ADGRL2: variants seen among roughly 807,000 people sequenced by gnomAD.
ADGRL2 encodes adhesion G protein-coupled receptor L2.
In ADGRL2, 44 loss-of-function variants were observed where a neutral mutation model predicts 157.4. The ratio of observed to expected loss-of-function variants is 0.28; its 90% CI spans 0.22 to 0.36. The LOEUF (loss-of-function observed/expected upper bound fraction) is 0.36, where lower values mean the gene tolerates loss of function less well. Ranked by LOEUF, ADGRL2 falls within the 10% of genes least tolerant of loss-of-function variation. The pLI is 1.00. For missense variants in ADGRL2, 1,510 were observed against 1,768.9 expected, an observed-to-expected ratio of 0.85 and a Z score of 2.63; for synonymous variants, 585 against 624.7, an observed-to-expected ratio of 0.94 and a Z score of 0.95.
intron 3 of ADGRL2, among the ~76,000 whole-genome samples, chr1:81,658,495 T>C (rs187001748): frequency 5.3e-4 from 81 of 152,328 alleles, no homozygotes; most frequent in African/African-American, 1.9e-3. Flanking sequence ...AAATCTGGGC[T>C]TTAGGCATAC....
At chr1:81,866,568 T>C (rs1318923628) in intron 2 of ADGRL2, among the ~76,000 whole-genome samples, 1 of 152,114 alleles carries the variant, frequency 6.6e-6, no homozygotes, top group African/African-American at 2.4e-5. Flanking sequence ...ATGTTTAAAA[T>C]AAATAATTAA....
At chr1:81,486,378 G>A (rs1335501748) in intron 2 of ADGRL2, among the ~76,000 whole-genome samples, 1 of 152,040 alleles carries the variant, frequency 6.6e-6, no homozygotes, top group Admixed American at 6.6e-5. Context: ...CTGTTTTTGT[G>A]TGATTCCTAA....
chr1:81,754,854 A>G (rs2085630241), intron 1 of ADGRL2, among the ~76,000 whole-genome samples: 1 of 151,794 alleles, frequency 6.6e-6, no homozygotes, highest in South Asian at 2.1e-4. Context: ...GGTAATAATA[A>G]CACCCAAATT....
chr1:81,985,363 A>G lies in ADGRL2; in HGVS notation c.3508+8A>G, dbSNP rs202069791. 3.1e-4 allele frequency: 474 copies of G among 1,544,632 alleles called. 1 individual carries two copies. In the African/African-American group the frequency reaches 5.8e-3, roughly 19 times the overall value. ...CTTCAACACTTAATCAAGGTCAGTT[A>G]TCAGGAAAATTTGAGTTACTACCAT... On this transcript the variant is annotated splice_region_variant and intron_variant, in intron 21 of 23. Transcript: ENST00000686636.
intron 3 of ADGRL2, among the ~76,000 whole-genome samples, chr1:81,651,268 GA>G (rs199925195): frequency 1.3e-5 from 2 of 150,712 alleles, no homozygotes; most frequent in Admixed American, 6.6e-5. Context: ...ACAAGAATTA[GA>G]AAAAAAAATC....
At chr1:81,390,482 A>G (rs1260706079) in intron 1 of ADGRL2, among the ~76,000 whole-genome samples, 1 of 152,310 alleles carries the variant, frequency 6.6e-6, no homozygotes, top group Non-Finnish European at 1.5e-5. Flanking sequence ...ATAGATATGC[A>G]ATTTCAATTT....
chr1:81,450,882 A>C (rs1571001384), intron 2 of ADGRL2, among the ~76,000 whole-genome samples: 2 of 152,164 alleles, frequency 1.3e-5, no homozygotes, highest in East Asian at 3.9e-4. Flanking sequence ...CCCCCAAAGT[A>C]AAAATCAATC....
At chr1:81,331,543 G>T (rs760597217) in intron 1 of ADGRL2, among the ~76,000 whole-genome samples, 2 of 152,008 alleles carry the variant, frequency 1.3e-5, no homozygotes, top group Non-Finnish European at 2.9e-5. Context: ...ATAATTATTA[G>T]CTATATATAA....
At chr1:81,578,975 A>G (rs1328901515) in intron 2 of ADGRL2, among the ~76,000 whole-genome samples, 1 of 152,172 alleles carries the variant, frequency 6.6e-6, no homozygotes, top group African/African-American at 2.4e-5. Context: ...GTTAATGCCA[A>G]GGATGCTTTT....
chr1:81,762,711 T>C lies in ADGRL2; in HGVS notation c.-101+859T>C, dbSNP rs574175705. Among the ~76,000 whole-genome samples, 3 of 151,992 alleles carry C rather than the reference T, an allele frequency of 2.0e-5. No individual in the cohort carries two copies. The South Asian group carries it at 6.2e-4, about 32-fold the overall frequency. On this transcript the variant is annotated intron_variant, in intron 2 of 20. Transcript: ENST00000359929. ...ATTACATGTTGTGTGCATGTGCGCTTATATAGACAGAGGAGAGAGACTTGG... is the reference window on the plus strand; with the variant it reads ...ATTACATGTTGTGTGCATGTGCGCTCATATAGACAGAGGAGAGAGACTTGG...
chr1:81,806,185 A>G (rs2089118888), intron 1 of ADGRL2, among the ~76,000 whole-genome samples: 1 of 152,080 alleles, frequency 6.6e-6, no homozygotes, highest in Non-Finnish European at 1.5e-5. Context: ...ATTTCCAATA[A>G]GTATAATTTT....
At position 81,322,087 on chromosome 1, in the gene ADGRL2, C is replaced by CATATATATATATATAT. The variant is rs148181887; in HGVS notation, c.-302+15586_-302+15601dup. Among the ~76,000 whole-genome samples the CATATATATATATATAT allele has an allele frequency of 5.6e-3, 605 of 108,240 alleles. 4 individuals are homozygous for CATATATATATATATAT. The highest frequency in any genetic ancestry group is 0.011 in the Admixed American group (106 of 9,644). The allele number at this position is 108,240 out of a possible 152,430, so 71.0% of individuals were successfully genotyped here. ...CTTCCTTAAATGTACAGGACTAATT[C>CATATATATATATATAT]ATATATATATATATATATATATACA... On this transcript the variant is annotated intron_variant, in intron 1 of 24. Coordinates refer to the ADGRL2 transcript ENST00000370721.
chr1:81,617,588 TG>T (rs1201803649), intron 3 of ADGRL2, among the ~76,000 whole-genome samples: 1 of 152,268 alleles, frequency 6.6e-6, no homozygotes, highest in Non-Finnish European at 1.5e-5. Context: ...GCTTTCCACC[TG>T]GGATGTGAAC....
intron 2 of ADGRL2, among the ~76,000 whole-genome samples, chr1:81,463,114 C>CAAAAAAAAA (rs56920139): frequency 1.1e-5 from 1 of 93,718 alleles, no homozygotes; most frequent in Non-Finnish European, 2.1e-5. Context: ...GACCATGTCT[C>CAAAAAAAAA]AAAAAAAAAA....
chr1:81,758,370 T>G (rs2085760749), intron 1 of ADGRL2, among the ~76,000 whole-genome samples: 1 of 152,092 alleles, frequency 6.6e-6, no homozygotes, highest in African/African-American at 2.4e-5. Flanking sequence ...ATTCCTCACC[T>G]CTACTCACTC....
At chr1:81,513,482 G>C (rs2079115894) in intron 2 of ADGRL2, among the ~76,000 whole-genome samples, 2 of 152,186 alleles carry the variant, frequency 1.3e-5, no homozygotes, top group African/African-American at 4.8e-5. Context: ...AACACTCTGT[G>C]AAGTAAACAG....
chr1:81,779,064 T>C (rs2086709828), intron 2 of ADGRL2, among the ~76,000 whole-genome samples: 1 of 152,208 alleles, frequency 6.6e-6, no homozygotes, highest in Non-Finnish European at 1.5e-5. Context: ...TTTTAGTTAA[T>C]GTCCAATGGT....
At chr1:81,399,758 T>C (rs1015195448) in intron 1 of ADGRL2, among the ~76,000 whole-genome samples, 4 of 152,234 alleles carry the variant, frequency 2.6e-5, no homozygotes, top group African/African-American at 9.6e-5. Flanking sequence ...TTATTATCCT[T>C]AATTCCTTTT....
chr1:81,474,568 TG>T (rs1175629251), intron 2 of ADGRL2, among the ~76,000 whole-genome samples: 1 of 152,210 alleles, frequency 6.6e-6, no homozygotes, highest in Non-Finnish European at 1.5e-5. Context: ...ATGAAGTAGC[TG>T]GTACATAAGG....
Sources: gnomAD v4.1 joint callset for allele counts (sites outside exome capture counted in the v4.1 genomes callset) on GRCh38, gnomAD v4.1.1 for gene constraint, MANE v1.5 for transcripts, NCBI Gene and HGNC (gene_info 2026-07-23, HGNC 2026-07-21) for gene names.